The following PATZ1 variants were observed in gnomAD, a reference collection of about 807,000 sequenced individuals.
The protein encoded by PATZ1 is POZ-, AT hook-, and zinc finger-containing protein 1.
A neutral mutation model predicts 46.2 loss-of-function variants in PATZ1; 9 were observed. That is an observed-to-expected ratio of 0.19 (90% confidence interval 0.12 to 0.34). The LOEUF is 0.34. Ranked by LOEUF, PATZ1 falls within the 10% of genes least tolerant of loss-of-function variation. PATZ1 has a pLI of 1.00. For missense variants in PATZ1, 632 were observed against 923.0 expected, an observed-to-expected ratio of 0.68 and a Z score of 4.08; for synonymous variants, 426 against 378.6, an observed-to-expected ratio of 1.13 and a Z score of -1.45.
In PATZ1 at chr22:31,345,722, G is replaced by A. The variant is rs2049646591; in HGVS notation, c.-120C>T. The A allele has an allele frequency of 1.9e-6, 2 of 1,032,788 alleles. No homozygotes were observed. Among genetic ancestry groups the A allele is most frequent in the Non-Finnish European group, 2.7e-6 (2 of 733,592 alleles). 64.0% of individuals were successfully genotyped at this position (1,032,788 alleles called of 1,614,324 possible). A position where few individuals can be genotyped will look rare whatever the true frequency, so the allele number is the denominator to read the frequency against. On this transcript the variant is annotated 5_prime_UTR_variant, in exon 1 of 5. Transcript: ENST00000266269. The surrounding 1 kb of genome is among the most constrained non-coding windows in gnomAD (Gnocchi z 7.4). Reference sequence around the variant, plus strand: ...CACTCCCCACACGTGCCGGCCCGAGGCTCTGTAGTCTCGCAGGTGCGCCGA... The same window carrying A: ...CACTCCCCACACGTGCCGGCCCGAGACTCTGTAGTCTCGCAGGTGCGCCGA...
chr22:31,341,802 G>T, intron 2 of PATZ1: 1 of 816,144 alleles, frequency 1.2e-6, no homozygotes, highest in Non-Finnish European at 1.9e-6. Flanking sequence ...GTCAGAATGT[G>T]CTCTGTGATG....
At chr22:31,330,728 C>CA (rs1212638163) in intron 3 of PATZ1, among the ~76,000 whole-genome samples, 1 of 152,188 alleles carries the variant, frequency 6.6e-6, no homozygotes, top group Non-Finnish European at 1.5e-5. Context: ...TGATTTTTCA[C>CA]AAAAAAGTTT....
At position 31,335,683 on chromosome 22, in the gene PATZ1, G is replaced by C; in HGVS notation, c.1507+9C>G. The C allele has an allele frequency of 6.2e-7, 1 of 1,612,400 alleles. No homozygotes were observed. Among genetic ancestry groups the C allele is most frequent in the Non-Finnish European group, 8.5e-7 (1 of 1,178,610 alleles). On this transcript the variant is annotated intron_variant, in intron 3 of 4. Transcript: ENST00000266269. ...TCCTCTGGAAGTGAGGAAACAGTGGGCAGATTACCTCGGTTACAGATACTG... is the reference window on the plus strand; with the variant it reads ...TCCTCTGGAAGTGAGGAAACAGTGGCCAGATTACCTCGGTTACAGATACTG...
At chr22:31,329,056 G>T in intron 3 of PATZ1, 132 bp from the exon 4 acceptor site, 1 of 870,060 alleles carries the variant, frequency 1.1e-6, no homozygotes. Context: ...CCCCCTCCTG[G>T]CTCAAAAATG....
chr22:31,336,607 C>T (rs945095816), intron 2 of PATZ1, among the ~76,000 whole-genome samples: 2 of 151,230 alleles, frequency 1.3e-5, no homozygotes, highest in Admixed American at 6.6e-5. Flanking sequence ...GAGTTCAAGA[C>T]CAGCCTGGCC....
In PATZ1 at chr22:31,346,122, G is replaced by A. The variant is rs192738217; in HGVS notation, c.-520C>T. ...CCGGGGCGGGGGCGCCGGAGCGGAG[G>A]AAACAAAAGGCGAAGGCGAAGGCGG... On this transcript the variant is annotated 5_prime_UTR_variant, in exon 1 of 5. Transcript: ENST00000266269. 5,525 of 150,044 alleles carry A rather than the reference G, an allele frequency of 0.037. 530 individuals carry two copies. In the East Asian group the frequency reaches 0.39, roughly 11 times the overall value. 9.3% of individuals were successfully genotyped at this position (150,044 alleles called of 1,614,324 possible).
At chr22:31,333,255 G>T (rs917492134) in intron 3 of PATZ1, among the ~76,000 whole-genome samples, 1 of 152,164 alleles carries the variant, frequency 6.6e-6, no homozygotes, top group South Asian at 2.1e-4. Flanking sequence ...GGGATTGAAG[G>T]ATCTGAGGGC....
In PATZ1 at chr22:31,326,498, A is replaced by G. The variant is rs140254785; in HGVS notation, c.*393T>C. On this transcript the variant is annotated 3_prime_UTR_variant, in exon 5 of 5. Transcript: ENST00000266269. ...ATATGGGAAGGGAGGATGACGAACT[A>G]GAGAAGTGGGAGGGGACCAAAATCA... 8.4e-5 allele frequency: 22 copies of G among 262,286 alleles called. No individual in the cohort carries two copies. Among genetic ancestry groups the G allele is most frequent in the African/African-American group, 4.8e-4 (22 of 45,814 alleles). The allele number at this position is 262,286 out of a possible 1,614,324, so 16.2% of individuals were successfully genotyped here. A position where few individuals can be genotyped will look rare whatever the true frequency, so the allele number is the denominator to read the frequency against.
rs186744197 is a variant in PATZ1, at chr22:31,328,373, C to T, written c.1645+414G>A. Among the ~76,000 whole-genome samples, 3 of 152,340 alleles carry T rather than the reference C, an allele frequency of 2.0e-5. No homozygotes were observed. Among genetic ancestry groups the T allele is most frequent in the East Asian group, 3.9e-4 (2 of 5,190 alleles). On this transcript the variant is annotated intron_variant, in intron 4 of 4. Transcript: ENST00000266269. This position sits in a 1 kb window ranked among gnomAD's most constrained non-coding sequence, Gnocchi z 4.8. The stretch of plus-strand genomic sequence containing the variant: ...AGAGAAGCCAGACATTGGCTCCCAC[C>T]GGCCCACTGGGTCAAAAGAGGAGAA...
chr22:31,341,067 G>T (rs970417841), intron 2 of PATZ1: 6 of 1,094,372 alleles, frequency 5.5e-6, no homozygotes, highest in Non-Finnish European at 5.6e-6. Flanking sequence ...GTGATGCCAG[G>T]GGAAGGGAAG....
chr22:31,342,249 C>CT (rs1252553335), intron 2 of PATZ1, among the ~76,000 whole-genome samples: 1 of 152,144 alleles, frequency 6.6e-6, no homozygotes, highest in East Asian at 1.9e-4. Flanking sequence ...GGGTGAGAAT[C>CT]TATCTGGTCC....
At chr22:31,331,038 G>A (rs2049434597) in intron 3 of PATZ1, among the ~76,000 whole-genome samples, 1 of 152,212 alleles carries the variant, frequency 6.6e-6, no homozygotes, top group Non-Finnish European at 1.5e-5. Flanking sequence ...ACCAGGTGCT[G>A]GTGTCCTGCC....
chr22:31,335,439 T>G (rs1049922309), intron 3 of PATZ1: 5 of 454,492 alleles, frequency 1.1e-5, no homozygotes, highest in Non-Finnish European at 1.6e-5. Context: ...GGCCCAAGCT[T>G]GGGAAGAACC....
Position 31,344,566 on chromosome 22 carries a change from C to T in PATZ1, c.1037G>A (p.Arg346Gln), listed in dbSNP as rs1221970284. The T allele has an allele frequency of 4.3e-6, 7 of 1,614,220 alleles. No individual in the cohort carries two copies. The highest frequency in any genetic ancestry group is 2.7e-5 in the African/African-American group (2 of 75,074). Residue 346 changes from arginine to glutamine, a missense_variant, in exon 1 of 5, where the codon CGA (arginine) becomes CAA (glutamine). Physicochemically the swap from Arg to Gln is conservative, Grantham distance 43. Around this residue, in one of 7 missense-constraint regions of PATZ1, gnomAD observed 279 missense variants for 284.3 expected, o/e 0.98. Coordinates refer to ENST00000266269, the MANE Select transcript of PATZ1 (RefSeq NM_014323.3). ...LPISEDPDGP[R>Q]KRSRTRKQVA... ...CTGCTTCCTGGTCCGGCTCCTCTTTCGGGGGCCGTCGGGGTCTTCAGAGAT... is the reference window on the plus strand; with the variant it reads ...CTGCTTCCTGGTCCGGCTCCTCTTTTGGGGGCCGTCGGGGTCTTCAGAGAT...
intron 2 of PATZ1, chr22:31,341,264 G>A: frequency 7.1e-7 from 1 of 1,415,702 alleles, no homozygotes; most frequent in Non-Finnish European, 9.2e-7. Flanking sequence ...CTCTGACATG[G>A]GAAAGACTCC....
In PATZ1 at chr22:31,344,825, G is replaced by A. The variant is rs747954119; in HGVS notation, c.778C>T (p.Pro260Ser). 6 of 1,611,372 alleles carry A rather than the reference G, an allele frequency of 3.7e-6. No individual in the cohort carries two copies. Among genetic ancestry groups the A allele is most frequent in the Admixed American group, 1.7e-5 (1 of 59,932 alleles). ...CCCCGGCCTCGCTTGCCAGTCAGGGGAGGGGCACTGGATGCCACACTGGGG... is the reference window on the plus strand; with the variant it reads ...CCCCGGCCTCGCTTGCCAGTCAGGGAAGGGGCACTGGATGCCACACTGGGG... ...PFPSVASSAP[P>S]LTGKRGRGRP... is the part of the protein sequence containing the mutation. The change falls in exon 1 of 5, where the codon CCC becomes TCC. Residue 260 changes from proline (P) to serine (S), a missense_variant. Transcript: ENST00000266269.
intron 3 of PATZ1, among the ~76,000 whole-genome samples, chr22:31,332,053 AT>A (rs1259033022): frequency 1.3e-5 from 2 of 152,242 alleles, no homozygotes; most frequent in East Asian, 3.9e-4. Context: ...GGAGGTTGTG[AT>A]GAGCTGAGAT....
chr22:31,342,316 C>T (rs2049592664), intron 2 of PATZ1, among the ~76,000 whole-genome samples: 1 of 152,156 alleles, frequency 6.6e-6, no homozygotes, highest in South Asian at 2.1e-4. Context: ...CCACTTTGCT[C>T]TCCAGTCCTC....
At chr22:31,333,247 G>A (rs2049464333) in intron 3 of PATZ1, among the ~76,000 whole-genome samples, 1 of 152,168 alleles carries the variant, frequency 6.6e-6, no homozygotes, top group South Asian at 2.1e-4. Flanking sequence ...GAATTGTTGG[G>A]ATTGAAGGAT....
Sources: gnomAD v4.1 joint callset for allele counts (sites outside exome capture counted in the v4.1 genomes callset) on GRCh38, gnomAD v4.1.1 for gene constraint, gnomAD v4.1.1 regional missense constraint, Gnocchi (gnomAD v3.1) non-coding constraint, MANE v1.5 for transcripts, NCBI Gene and HGNC (gene_info 2026-07-23, HGNC 2026-07-21) for gene names.